PTPRE: variants seen among roughly 807,000 people sequenced by gnomAD.
PTPRE encodes receptor-type tyrosine-protein phosphatase epsilon.
Under a neutral mutation model 102.0 loss-of-function variants are expected in PTPRE, and 51 were observed. The observed-to-expected ratio is 0.50, with a 90% CI of 0.40 to 0.63. PTPRE has a LOEUF of 0.63. Among genes scored for constraint, PTPRE ranks in the 30% least tolerant of loss-of-function variants. The pLI is 0.00. For synonymous variants in PTPRE, 345 were observed against 348.2 expected (o/e 0.99, Z 0.10); for missense variants, 752 against 915.1 (o/e 0.82, Z 2.30).
chr10:128,073,680 C>T (rs1055045221), intron 17 of PTPRE, among the ~76,000 whole-genome samples: 1 of 152,210 alleles, frequency 6.6e-6, no homozygotes, highest in African/African-American at 2.4e-5. Flanking sequence ...CATAGCTACC[C>T]GCTGCCCTTT....
intron 11 of PTPRE, among the ~76,000 whole-genome samples, chr10:128,066,718 C>T (rs969287774): frequency 6.6e-5 from 10 of 152,206 alleles, no homozygotes; most frequent in Non-Finnish European, 1.3e-4. Flanking sequence ...AGACAGAAGA[C>T]CATTTTGTCA....
In PTPRE at chr10:128,069,692, C is replaced by T. The variant is rs201409861; in HGVS notation, c.1008C>T (p.Ser336=). Residue 336 remains serine (S), a splice_region_variant and synonymous_variant, in exon 13 of 21, where the codon AGC becomes AGT. Coordinates refer to ENST00000254667, the MANE Select transcript of PTPRE (RefSeq NM_006504.6). ...VHAGPIVVHC[S]AGVGRTGTFI... is the part of the protein sequence containing the mutation. ...GCAGCATCTTTCTCTTTCCCCAAAG[C>T]GCGGGCGTGGGCCGGACGGGCACCT... The T allele has an allele frequency of 1.3e-4, 207 of 1,614,162 alleles. No homozygotes were observed. The highest frequency in any genetic ancestry group is 1.4e-5 in the Non-Finnish European group (16 of 1,180,010).
At chr10:127,976,840 A>T (rs1024981817) in intron 1 of PTPRE, among the ~76,000 whole-genome samples, 1 of 152,204 alleles carries the variant, frequency 6.6e-6, no homozygotes, top group Non-Finnish European at 1.5e-5. Context: ...TGTGAGTATG[A>T]TATCAGTGCG....
At chr10:127,928,692 C>T (rs1306255472) in intron 1 of PTPRE, among the ~76,000 whole-genome samples, 2 of 152,216 alleles carry the variant, frequency 1.3e-5, no homozygotes, top group African/African-American at 2.4e-5. Context: ...TGGGTACAAA[C>T]TTGGAGGTGT....
intron 17 of PTPRE, among the ~76,000 whole-genome samples, chr10:128,073,928 A>G (rs1851002742): frequency 6.6e-6 from 1 of 152,250 alleles, no homozygotes. Context: ...TTATTGTGAT[A>G]TAATTCACCT....
At position 128,070,870 on chromosome 10, in the gene PTPRE, G is replaced by A; in HGVS notation, c.1356G>A (p.Met452Ile). Residue 452 changes from methionine to isoleucine, a missense_variant, in exon 15 of 21, where the codon ATG becomes ATA. Transcript: ENST00000254667. The surrounding 1 kb of genome is among the most constrained non-coding windows in gnomAD (Gnocchi z 4.8). ...GGACGGGCAACTTGCCGGCAAACATGAAGAAGGCCAGGGTCATCCAGATCA... is the reference window on the plus strand; with the variant it reads ...GGACGGGCAACTTGCCGGCAAACATAAAGAAGGCCAGGGTCATCCAGATCA... ...NMRTGNLPAN[M>I]KKARVIQIIP... 5.0e-6 allele frequency: 8 copies of A among 1,614,188 alleles called. No homozygotes were observed. Among genetic ancestry groups the A allele is most frequent in the Non-Finnish European group, 6.8e-6 (8 of 1,180,002 alleles).
intron 13 of PTPRE, 136 bp downstream of exon 13, chr10:128,069,963 T>G: frequency 7.5e-7 from 1 of 1,336,030 alleles, no homozygotes; most frequent in Non-Finnish European, 1.0e-6. Context: ...TCGCTCCCCA[T>G]AGCCTTCCCT....
chr10:127,985,123 G>A (rs1851974551), intron 2 of PTPRE, among the ~76,000 whole-genome samples: 1 of 152,246 alleles, frequency 6.6e-6, no homozygotes. Flanking sequence ...TGGAGATGGT[G>A]CCACAGCCAC....
chr10:128,069,621 C>G (rs919457249), intron 12 of PTPRE, 71 bp from the exon 13 acceptor site: 2 of 1,569,760 alleles, frequency 1.3e-6, no homozygotes, highest in Non-Finnish European at 1.7e-6. Context: ...GTGCGCAGGC[C>G]CCTTCGGGGC....
chr10:127,983,287 T>C (rs913927373), intron 2 of PTPRE, among the ~76,000 whole-genome samples: 1 of 152,234 alleles, frequency 6.6e-6, no homozygotes, highest in African/African-American at 2.4e-5. Context: ...AAAGTAATGA[T>C]TGATTAAGCT....
intron 2 of PTPRE, among the ~76,000 whole-genome samples, chr10:128,037,844 T>G (rs764387724): frequency 2.0e-5 from 3 of 152,092 alleles, no homozygotes; most frequent in Non-Finnish European, 4.4e-5. Flanking sequence ...CAGGCTGGAG[T>G]GCAGTGGTGC....
intron 2 of PTPRE, among the ~76,000 whole-genome samples, chr10:128,029,079 A>C (rs1232851286): frequency 6.6e-6 from 1 of 152,102 alleles, no homozygotes; most frequent in African/African-American, 2.4e-5. Context: ...GGCAGATAAG[A>C]GTGGGTGGCT....
rs890745942 is a variant in PTPRE at position 127,974,973 on chromosome 10, G to A, written c.-30-7301G>A. ...TACTGTACTGTGTTGTTGTAGAGAC[G>A]TGAAGACACATAAAGATGGAAGGGG... On this transcript the variant is annotated intron_variant, in intron 1 of 20. Coordinates refer to ENST00000254667, the MANE Select transcript of PTPRE (RefSeq NM_006504.6). Among the ~76,000 whole-genome samples, 6 of 152,166 alleles carry A rather than the reference G, an allele frequency of 3.9e-5. No individual in the cohort carries two copies. In the East Asian group the frequency reaches 7.7e-4, roughly 19 times the overall value.
chr10:128,078,635 T>C (rs1307464768), intron 19 of PTPRE, among the ~76,000 whole-genome samples: 2 of 152,072 alleles, frequency 1.3e-5, no homozygotes, highest in Non-Finnish European at 2.9e-5. Flanking sequence ...CAGAGCTCTC[T>C]CCCTGCCTGG....
chr10:127,913,842 TCTC>T, intron 1 of PTPRE, among the ~76,000 whole-genome samples: 1 of 152,292 alleles, frequency 6.6e-6, no homozygotes. Flanking sequence ...ACCCTGGGAC[TCTC>T]CTCTTTACCC....
At chr10:128,031,883 C>G (rs1846788157) in intron 2 of PTPRE, among the ~76,000 whole-genome samples, 1 of 152,088 alleles carries the variant, frequency 6.6e-6, no homozygotes, top group South Asian at 2.1e-4. Context: ...CACGCCACCC[C>G]TTCTCTCTGC....
At chr10:127,960,977 C>T (rs921424730) in intron 1 of PTPRE, among the ~76,000 whole-genome samples, 1 of 150,450 alleles carries the variant, frequency 6.6e-6, no homozygotes, top group East Asian at 2.0e-4. Flanking sequence ...GCTGAGATAG[C>T]ACCACTGCAG....
rs114029614 is a variant in PTPRE, at chr10:128,075,989, C to T, written c.1600-614C>T. On this transcript the variant is annotated intron_variant, in intron 17 of 20. Coordinates refer to ENST00000254667, the MANE Select transcript of PTPRE (RefSeq NM_006504.6). ...GCAAACATCTTATTGCAATCTGTGGCGTGTCTTTTCACTCTGTTAATGATG... is the reference window on the plus strand; with the variant it reads ...GCAAACATCTTATTGCAATCTGTGGTGTGTCTTTTCACTCTGTTAATGATG... Among the ~76,000 whole-genome samples, 1,045 of 152,194 alleles carry T rather than the reference C, an allele frequency of 6.9e-3. 14 individuals are homozygous for T. The highest frequency in any genetic ancestry group is 0.023 in the African/African-American group (972 of 41,520).
At chr10:127,999,586 A>G in intron 2 of PTPRE, 1 of 985,500 alleles carries the variant, frequency 1.0e-6, no homozygotes, top group Non-Finnish European at 1.2e-6. Context: ...CGCAGGTTGC[A>G]CTGTTCTCAG....
Sources: allele counts gnomAD v4.1 joint callset (sites outside exome capture counted in the v4.1 genomes callset), GRCh38; gene constraint gnomAD v4.1.1; non-coding constraint Gnocchi (gnomAD v3.1); transcripts MANE v1.5; gene names NCBI Gene and HGNC (gene_info 2026-07-23, HGNC 2026-07-21).